Variants in DUSP16 observed in about 807,000 individuals in gnomAD.
DUSP16 encodes the protein dual specificity phosphatase 16, also known as dual specificity protein phosphatase 16.
In DUSP16, 21 loss-of-function variants were observed where a neutral mutation model predicts 58.3. That is an observed-to-expected ratio of 0.36 (90% CI 0.26 to 0.52). The LOEUF is 0.52. Among genes scored for constraint, DUSP16 ranks in the 20% least tolerant of loss-of-function variants. The pLI, the probability that DUSP16 is intolerant of heterozygous loss-of-function variation, is 0.94. For missense variants in DUSP16, 726 were observed against 819.0 expected (o/e 0.89, Z 1.39); for synonymous variants, 320 against 323.8 (o/e 0.99, Z 0.12).
chr12:12,491,175 T>TA (rs1161226836), intron 4 of DUSP16: 2 of 151,752 alleles, frequency 1.3e-5, no homozygotes, highest in Non-Finnish European at 2.9e-5. Context: ...TTTTTTTTTT[T>TA]TTTACAAACT....
At chr12:12,555,968 G>A (rs1170331002) in intron 1 of DUSP16, among the ~76,000 whole-genome samples, 2 of 152,202 alleles carry the variant, frequency 1.3e-5, no homozygotes, top group South Asian at 2.1e-4. Flanking sequence ...TTGAACCGAG[G>A]AAGTCAAGGA....
At position 12,523,062 on chromosome 12, in the gene DUSP16, C is replaced by T. The variant is rs563696221; in HGVS notation, c.-365-1599G>A. Among the ~76,000 whole-genome samples, 51 of 152,266 alleles carry T rather than the reference C, an allele frequency of 3.3e-4. 1 individual carries two copies. Among genetic ancestry groups the T allele is most frequent in the Middle Eastern group, 3.4e-3 (1 of 294 alleles). Reference sequence around the variant, plus strand: ...CTTTAAAAACCTTTAGATCATGTTTCCTAATTTTGTACTTACAAATTAGAA... The same window carrying T: ...CTTTAAAAACCTTTAGATCATGTTTTCTAATTTTGTACTTACAAATTAGAA... On this transcript the variant is annotated intron_variant, in intron 1 of 6. Coordinates refer to ENST00000298573, the MANE Select transcript of DUSP16 (RefSeq NM_030640.3).
At chr12:12,499,384 G>C (rs1267601500) in intron 4 of DUSP16, among the ~76,000 whole-genome samples, 1 of 152,160 alleles carries the variant, frequency 6.6e-6, no homozygotes, top group African/African-American at 2.4e-5. Flanking sequence ...CTCGGTACAA[G>C]CATAAGCTAT....
intron 1 of DUSP16, among the ~76,000 whole-genome samples, chr12:12,547,529 C>CT (rs1163345691): frequency 3.5e-4 from 35 of 99,594 alleles, no homozygotes; most frequent in African/African-American, 1.1e-3. Flanking sequence ...TGTGAGTAGG[C>CT]TTAAAAAAAA....
intron 1 of DUSP16, among the ~76,000 whole-genome samples, chr12:12,537,168 T>G (rs984402615): frequency 1.3e-5 from 2 of 152,176 alleles, no homozygotes; most frequent in Non-Finnish European, 2.9e-5. Context: ...ATAGATAACT[T>G]TCATAACAGA....
intron 4 of DUSP16, among the ~76,000 whole-genome samples, chr12:12,498,269 G>A (rs939845990): frequency 6.6e-6 from 1 of 151,908 alleles, no homozygotes; most frequent in Non-Finnish European, 1.5e-5. Flanking sequence ...TAACATTTTT[G>A]GAATACTGAT....
intron 1 of DUSP16, among the ~76,000 whole-genome samples, chr12:12,539,154 T>G (rs66999730): frequency 0.31 from 47,306 of 152,050 alleles, 7,876 homozygotes; most frequent in Non-Finnish European, 0.35. Flanking sequence ...GGAAGGCAGT[T>G]TAAGAGAGAG....
Position 12,524,422 on chromosome 12 carries a change from C to T in DUSP16, c.-365-2959G>A, listed in dbSNP as rs561373043. 5.7e-4 allele frequency among the ~76,000 whole-genome samples: 87 copies of T among 152,268 alleles called. 2 individuals are homozygous for T. The highest frequency in any genetic ancestry group is 1.5e-4 in the Non-Finnish European group (10 of 68,020). On this transcript the variant is annotated intron_variant, in intron 1 of 6. Coordinates refer to ENST00000298573, the MANE Select transcript of DUSP16 (RefSeq NM_030640.3). The stretch of plus-strand genomic sequence containing the variant: ...GGTGAGGTGAGAGGCAGAGCCCTGC[C>T]AAGGGATCATGGAGGGTAAAGTAAC...
In DUSP16 at chr12:12,519,051, C is replaced by G. The variant is rs563579594; in HGVS notation, c.367+811G>C. On this transcript the variant is annotated intron_variant, in intron 3 of 6. Transcript: ENST00000298573. ...AAGCTGAATCCGCCCAACACAGCAG[C>G]TTTATGTTAAGGTTACTGTGTGTTG... is the stretch of plus-strand genomic sequence containing the variant. Among the ~76,000 whole-genome samples, 9 of 152,346 alleles carry G rather than the reference C, an allele frequency of 5.9e-5. No individual in the cohort carries two copies. In the South Asian group the frequency reaches 8.3e-4, roughly 14 times the overall value.
intron 1 of DUSP16, among the ~76,000 whole-genome samples, chr12:12,550,914 TAAC>T (rs1444700336): frequency 2.6e-5 from 4 of 152,094 alleles, no homozygotes; most frequent in Admixed American, 6.6e-5. Context: ...CAGTCTCACT[TAAC>T]AACATCCTTG....
Position 12,519,907 on chromosome 12 carries a change from G to A in DUSP16, c.322C>T (p.Leu108=). The change falls in exon 3 of 7, where the codon CTG becomes TTG. Residue 108 remains leucine (L), a synonymous_variant. Transcript: ENST00000298573. ...LSSDCFLTVL[L]GKLEKSFNSV... is the part of the protein sequence containing the mutation. ...TTGAAGCTCTTCTCCAGTTTACCCA[G>A]AAGTACAGTGAGAAAACAGTCTGAA... 3 of 1,614,094 alleles carry A rather than the reference G, an allele frequency of 1.9e-6. No individual in the cohort carries two copies. The highest frequency in any genetic ancestry group is 1.1e-5 in the South Asian group (1 of 91,080).
chr12:12,509,741 T>C (rs928442556), intron 3 of DUSP16, among the ~76,000 whole-genome samples: 4 of 152,198 alleles, frequency 2.6e-5, no homozygotes, highest in African/African-American at 9.7e-5. Flanking sequence ...AATAAATGTT[T>C]ATTGAATCCT....
rs540020560 is a variant in DUSP16 at position 12,476,002 on chromosome 12, A to C, written c.*831T>G. On this transcript the variant is annotated 3_prime_UTR_variant, in exon 7 of 7. Coordinates refer to ENST00000298573, the MANE Select transcript of DUSP16 (RefSeq NM_030640.3). ...CGTTAGCCTCCCAACCTTAGCTTAA[A>C]TCGTGATGTTGCCAGGTTCCTGGTG... The C allele has an allele frequency of 4.1e-4, 62 of 152,336 alleles. No homozygotes were observed. Among genetic ancestry groups the C allele is most frequent in the African/African-American group, 1.4e-3 (59 of 41,566 alleles). 9.4% of individuals were successfully genotyped at this position (152,336 alleles called of 1,614,324 possible). A position where few individuals can be genotyped will look rare whatever the true frequency, so the allele number is the denominator to read the frequency against.
chr12:12,486,481 AGTGTGT>A (rs56941943), intron 5 of DUSP16, among the ~76,000 whole-genome samples: 39,942 of 147,236 alleles, frequency 0.27, 6,164 homozygotes, highest in Non-Finnish European at 0.35. Context: ...ACCAAATGAG[AGTGTGT>A]GTGTGTGTGT....
chr12:12,481,578 T>C (rs1424031992), intron 5 of DUSP16, among the ~76,000 whole-genome samples: 1 of 152,218 alleles, frequency 6.6e-6, no homozygotes, highest in East Asian at 1.9e-4. Context: ...TATAAGTTTC[T>C]AGTGTAATGA....
intron 3 of DUSP16, among the ~76,000 whole-genome samples, chr12:12,519,301 A>C (rs997233638): frequency 4.6e-5 from 7 of 152,214 alleles, no homozygotes; most frequent in Admixed American, 4.6e-4. Flanking sequence ...TAATTATAAA[A>C]CAAATAAAAA....
chr12:12,545,921 TCA>T (rs764346717), intron 1 of DUSP16, among the ~76,000 whole-genome samples: 2 of 152,192 alleles, frequency 1.3e-5, no homozygotes, highest in African/African-American at 2.4e-5. Flanking sequence ...GGTAACCAAA[TCA>T]CAGTTCTAGA....
In DUSP16 at chr12:12,562,681, T is replaced by C. The variant is rs1369285837; in HGVS notation, c.-930A>G. On this transcript the variant is annotated 5_prime_UTR_variant, in exon 1 of 7. Coordinates refer to ENST00000298573, the MANE Select transcript of DUSP16 (RefSeq NM_030640.3). ...TGGCGTCACTTGAAACCAATCCCAGTGAATGAACTCAGCGGAGCCCCGGGG... is the reference window on the plus strand; with the variant it reads ...TGGCGTCACTTGAAACCAATCCCAGCGAATGAACTCAGCGGAGCCCCGGGG... Among the ~76,000 whole-genome samples, 3 of 151,702 alleles carry C rather than the reference T, an allele frequency of 2.0e-5. No homozygotes were observed. Among genetic ancestry groups the C allele is most frequent in the African/African-American group, 7.3e-5 (3 of 41,344 alleles).
chr12:12,525,722 AT>A (rs1944296333), intron 1 of DUSP16, among the ~76,000 whole-genome samples: 1 of 135,040 alleles, frequency 7.4e-6, no homozygotes, highest in Non-Finnish European at 1.6e-5. Flanking sequence ...AAAATTAAAA[AT>A]ATATGTATAC....
Sources: gnomAD v4.1 joint callset for allele counts (sites outside exome capture counted in the v4.1 genomes callset) on GRCh38, gnomAD v4.1.1 for gene constraint, MANE v1.5 for transcripts, NCBI Gene and HGNC (gene_info 2026-07-23, HGNC 2026-07-21) for gene names.